SLC9B1: variants seen among roughly 807,000 people sequenced by gnomAD.
The protein encoded by SLC9B1 is solute carrier family 9 member B1.
Under a neutral mutation model 51.7 loss-of-function variants are expected in SLC9B1, and 32 were observed. The observed-to-expected ratio is 0.62, with a 90% CI of 0.47 to 0.83. SLC9B1 has a LOEUF of 0.83. Among genes scored for constraint, SLC9B1 ranks in the 40% least tolerant of loss-of-function variants. The pLI is 0.00. For synonymous variants in SLC9B1, 145 were observed against 212.7 expected, an observed-to-expected ratio of 0.68 and a Z score of 2.77; for missense variants, 406 against 613.2, an observed-to-expected ratio of 0.66 and a Z score of 3.57.
intron 7 of SLC9B1, among the ~76,000 whole-genome samples, chr4:102,921,428 A>G (rs1194416048): frequency 1.3e-5 from 2 of 152,206 alleles, no homozygotes; most frequent in East Asian, 3.8e-4. Context: ...ACATGGAAAG[A>G]AACACCCGGT....
chr4:102,893,281 C>CAAA (rs58316456), intron 11 of SLC9B1, among the ~76,000 whole-genome samples: 3,532 of 35,058 alleles, frequency 0.1, 660 homozygotes, highest in East Asian at 0.17. Flanking sequence ...GACTCCATCT[C>CAAA]AAAAAAAAAA....
intron 11 of SLC9B1, chr4:102,891,767 G>A (rs914185646): frequency 1.3e-5 from 2 of 152,164 alleles, no homozygotes; most frequent in Non-Finnish European, 2.9e-5. Context: ...AAATAAAGCA[G>A]TAGCAATTTA....
chr4:102,885,175 T>C (rs1380402541), exon 12 of SLC9B1: 1 of 1,501,984 alleles, frequency 6.7e-7, no homozygotes, highest in South Asian at 1.1e-5. Flanking sequence ...TTGAATTCTT[T>C]TCCAAGAGCA....
At chr4:102,943,041 A>G (rs1578366978) in intron 6 of SLC9B1, among the ~76,000 whole-genome samples, 1 of 152,200 alleles carries the variant, frequency 6.6e-6, no homozygotes, top group East Asian at 1.9e-4. Flanking sequence ...ACTTCCCAAA[A>G]GAAGATATAT....
chr4:103,001,219 C>G (rs752527708), intron 1 of SLC9B1, among the ~76,000 whole-genome samples: 5 of 152,226 alleles, frequency 3.3e-5, no homozygotes, highest in Admixed American at 6.5e-5. Context: ...GGCCCTGGGC[C>G]TGGCCCACAA....
chr4:102,941,736 G>C (rs374435128), intron 6 of SLC9B1, among the ~76,000 whole-genome samples: 3 of 149,512 alleles, frequency 2.0e-5, no homozygotes, highest in Admixed American at 1.3e-4. Flanking sequence ...GCATTCCCCC[G>C]AGAACTGGAA....
chr4:103,014,046 A>T (rs1431174145), intron 1 of SLC9B1, among the ~76,000 whole-genome samples: 1 of 152,150 alleles, frequency 6.6e-6, no homozygotes, highest in Non-Finnish European at 1.5e-5. Flanking sequence ...ATATTCCTCA[A>T]TGACTTCCCA....
chr4:103,019,545 C>A, intron 1 of SLC9B1, 54 bp downstream of exon 1: 2 of 981,896 alleles, frequency 2.0e-6, no homozygotes, highest in Non-Finnish European at 2.4e-6. Flanking sequence ...GCGGCAGACC[C>A]GGGACTAGCG....
intron 7 of SLC9B1, chr4:102,912,261 A>G (rs1453217676): frequency 6.6e-6 from 1 of 152,234 alleles, no homozygotes; most frequent in Non-Finnish European, 1.5e-5. Flanking sequence ...TATGAAAAAG[A>G]AACAAATGAT....
intron 3 of SLC9B1, among the ~76,000 whole-genome samples, chr4:102,955,191 C>T (rs1373745494): frequency 1.3e-5 from 2 of 152,142 alleles, no homozygotes; most frequent in African/African-American, 2.4e-5. Flanking sequence ...ATACTGTTCT[C>T]GTGGTAGTGA....
intron 1 of SLC9B1, among the ~76,000 whole-genome samples, chr4:102,999,419 T>A (rs1740401357): frequency 6.6e-6 from 1 of 152,228 alleles, no homozygotes; most frequent in African/African-American, 2.4e-5. Flanking sequence ...TTAAGAGTTT[T>A]AATATTTTTA....
chr4:102,978,836 A>C (rs1739210222), intron 3 of SLC9B1, among the ~76,000 whole-genome samples: 1 of 152,160 alleles, frequency 6.6e-6, no homozygotes, highest in African/African-American at 2.4e-5. Context: ...AGGATTAAAA[A>C]CGTGTTCTTA....
chr4:102,920,153 C>T (rs1453895609), intron 7 of SLC9B1, among the ~76,000 whole-genome samples: 1 of 152,220 alleles, frequency 6.6e-6, no homozygotes, highest in African/African-American at 2.4e-5. Context: ...CCAGTAGGGG[C>T]TGACAGACAC....
intron 11 of SLC9B1, chr4:102,890,595 C>G (rs546666948): frequency 2.0e-5 from 3 of 152,174 alleles, no homozygotes; most frequent in Admixed American, 6.5e-5. Context: ...AATCTCAGCA[C>G]TTTGGGAGGC....
At chr4:102,972,011 C>CA (rs913633075) in intron 3 of SLC9B1, among the ~76,000 whole-genome samples, 2 of 151,576 alleles carry the variant, frequency 1.3e-5, no homozygotes, top group East Asian at 1.9e-4. Context: ...AGCCTACCAA[C>CA]AAAAAAAAGT....
At chr4:102,957,118 A>G (rs757569251) in intron 3 of SLC9B1, among the ~76,000 whole-genome samples, 3 of 152,152 alleles carry the variant, frequency 2.0e-5, no homozygotes, top group Non-Finnish European at 4.4e-5. Context: ...ATAGAGGTTA[A>G]TCAATCTGAA....
intron 3 of SLC9B1, among the ~76,000 whole-genome samples, chr4:102,984,800 A>G (rs1198555346): frequency 1.3e-5 from 2 of 152,190 alleles, no homozygotes; most frequent in Admixed American, 1.3e-4. Context: ...TAAAGTTCCA[A>G]CTAGAAAAAT....
rs572431841 is a variant in SLC9B1 at position 102,945,342 on chromosome 4, C to G, written c.526-22G>C. 7.2e-6 allele frequency: 11 copies of G among 1,536,310 alleles called. No homozygotes were observed. In the Admixed American group the frequency reaches 2.2e-4, roughly 30 times the overall value. On this transcript the variant is annotated intron_variant, in intron 5 of 11. Transcript: ENST00000296422. ...AAGCCTGAAACACAAAACAGTCACA[C>G]TTAGATACATTTACAATGGCCAACA...
chr4:102,936,286 T>C (rs545163573), intron 6 of SLC9B1, among the ~76,000 whole-genome samples: 1 of 152,114 alleles, frequency 6.6e-6, no homozygotes, highest in Non-Finnish European at 1.5e-5. Flanking sequence ...ACTCAAAACA[T>C]TAAAGGAACC....
Sources: allele counts gnomAD v4.1 joint callset (sites outside exome capture counted in the v4.1 genomes callset), GRCh38; gene constraint gnomAD v4.1.1; transcripts MANE v1.5; gene names NCBI Gene and HGNC (gene_info 2026-07-23, HGNC 2026-07-21).